ZNF232: variants seen among roughly 807,000 people sequenced by gnomAD.
The protein encoded by ZNF232 is zinc finger and SCAN domain-containing protein 11.
Under a neutral mutation model 25.2 loss-of-function variants are expected in ZNF232, and 25 were observed. The observed-to-expected ratio is 0.99, with a 90% confidence interval of 0.72 to 1.39. ZNF232 has a LOEUF of 1.39. Ranked by LOEUF, ZNF232 falls within the 40% of genes most tolerant of loss-of-function variation. The pLI is 0.00. For synonymous variants in ZNF232, 193 were observed against 182.9 expected (o/e 1.06, Z -0.45); for missense variants, 519 against 520.9 (o/e 1.00, Z 0.04).
exon 4 of ZNF232, chr17:5,105,784 C>T: frequency 1.3e-6 from 2 of 1,505,478 alleles, no homozygotes; most frequent in Non-Finnish European, 1.8e-6. Flanking sequence ...GTAGATTAGA[C>T]CGATGTAGAA....
intron 3 of ZNF232, 25 bp downstream of exon 3, chr17:5,108,901 C>T (rs917141684): frequency 6.2e-7 from 1 of 1,613,568 alleles, no homozygotes. Context: ...TCTCCTCTCC[C>T]TCCCCACAGA....
At chr17:5,106,441 C>T in exon 4 of ZNF232, 1 of 1,614,226 alleles carries the variant, frequency 6.2e-7, no homozygotes, top group Non-Finnish European at 8.5e-7. Context: ...TGTGATTCCA[C>T]TTCAGTAATG....
chr17:5,106,185 T>C (rs1439692123), exon 4 of ZNF232: 5 of 1,614,134 alleles, frequency 3.1e-6, no homozygotes, highest in East Asian at 2.2e-5. Context: ...CTCTCCAGAA[T>C]GAACTCTCTG....
At chr17:5,109,021 T>C (rs1370993340) in exon 3 of ZNF232, 18 of 1,614,014 alleles carry the variant, frequency 1.1e-5, no homozygotes, top group Non-Finnish European at 1.4e-5. Flanking sequence ...CCATGGCTCT[T>C]CCTGTGCAGG....
At chr17:5,111,626 C>T in intron 1 of ZNF232, 174 bp downstream of exon 1, 1 of 902,252 alleles carries the variant, frequency 1.1e-6, no homozygotes, top group Non-Finnish European at 1.7e-6. Context: ...CGGCACGTGA[C>T]GCGACGCAAC....
chr17:5,121,950 CA>C (rs1567767050), intron 1 of ZNF232, among the ~76,000 whole-genome samples: 1 of 152,064 alleles, frequency 6.6e-6, no homozygotes, highest in Non-Finnish European at 1.5e-5. Context: ...TGGATTAGAT[CA>C]CGTAGGCAAT....
chr17:5,115,836 A>G (rs548385612), upstream of ZNF232, among the ~76,000 whole-genome samples: 10 of 152,230 alleles, frequency 6.6e-5, no homozygotes, highest in East Asian at 1.9e-3. Context: ...CCTCCCGGGG[A>G]CACAGCCCGG....
chr17:5,114,965 C>CA (rs1213969990), upstream of ZNF232: 1 of 152,254 alleles, frequency 6.6e-6, no homozygotes, highest in Non-Finnish European at 1.5e-5. Flanking sequence ...CACAGCCTTG[C>CA]AGCCTCCAAA....
chr17:5,111,417 GAA>G (rs1395527444), intron 1 of ZNF232: 1 of 324,506 alleles, frequency 3.1e-6, no homozygotes, highest in African/African-American at 2.1e-5. Flanking sequence ...GAGGCGCGAG[GAA>G]AAACGCGGAG....
At chr17:5,116,138 G>A (rs182177610), upstream of ZNF232, among the ~76,000 whole-genome samples, 425 of 152,316 alleles carry the variant, frequency 2.8e-3, 2 homozygotes, top group Non-Finnish European at 5.0e-3. Flanking sequence ...CCCCTCACTC[G>A]ACGCTACCTT....
chr17:5,109,482 G>A, exon 2 of ZNF232: 1 of 1,614,160 alleles, frequency 6.2e-7, no homozygotes, highest in African/African-American at 1.3e-5. Context: ...CCGCACCCAG[G>A]ATTGGAGCTC....
At chr17:5,122,056 AG>A (rs759649410) in intron 1 of ZNF232, among the ~76,000 whole-genome samples, 9 of 133,294 alleles carry the variant, frequency 6.8e-5, no homozygotes, top group Non-Finnish European at 1.1e-4. Context: ...AATGGATCAG[AG>A]GGGTCAGGGT....
At chr17:5,118,024 A>C (rs1297964580) in intron 1 of ZNF232, among the ~76,000 whole-genome samples, 1 of 150,870 alleles carries the variant, frequency 6.6e-6, no homozygotes, top group Non-Finnish European at 1.5e-5. Flanking sequence ...GGCCGAGATC[A>C]TGCCACTGCA....
At chr17:5,108,419 G>T (rs2072314083) in intron 3 of ZNF232, among the ~76,000 whole-genome samples, 1 of 152,122 alleles carries the variant, frequency 6.6e-6, no homozygotes, top group Non-Finnish European at 1.5e-5. Context: ...TTCAGATAGG[G>T]CTGTTTACAT....
chr17:5,111,940 T>C, upstream of ZNF232: 8 of 1,442,446 alleles, frequency 5.5e-6, no homozygotes, highest in Non-Finnish European at 7.4e-6. Context: ...CCGGCTTCCG[T>C]TCGCGGACTT....
chr17:5,106,527 A>G lies in ZNF232; in HGVS notation c.626-21T>C, dbSNP rs770524804. ...AACAACTGACAGAAAATGTAAATAT[A>G]CCTGTTCTGGATGTATGAAGAAATG... On this transcript the variant is annotated intron_variant, in intron 3 of 3. Coordinates refer to ENST00000575898, the Ensembl canonical transcript of ZNF232. 22 of 1,606,448 alleles carry G rather than the reference A, an allele frequency of 1.4e-5. 1 individual carries two copies. The South Asian group carries it at 2.1e-4, about 15-fold the overall frequency.
chr17:5,111,627 G>T, intron 1 of ZNF232, 173 bp downstream of exon 1: 2 of 908,670 alleles, frequency 2.2e-6, no homozygotes, highest in East Asian at 2.7e-5. Flanking sequence ...GGCACGTGAC[G>T]CGACGCAACG....
At chr17:5,118,077 A>AC (rs1254788340) in intron 1 of ZNF232, 1 of 152,302 alleles carries the variant, frequency 6.6e-6, no homozygotes, top group South Asian at 2.1e-4. Flanking sequence ...TCAAAAAAAA[A>AC]AAAAAAATCA....
At chr17:5,115,187 G>T (rs1426640634), upstream of ZNF232, among the ~76,000 whole-genome samples, 1 of 151,920 alleles carries the variant, frequency 6.6e-6, no homozygotes, top group Non-Finnish European at 1.5e-5. Flanking sequence ...TCTTTTGGGG[G>T]GTGGGGCGGT....
Sources: allele counts gnomAD v4.1 joint callset (sites outside exome capture counted in the v4.1 genomes callset), GRCh38; gene constraint gnomAD v4.1.1; transcripts MANE v1.5; gene names NCBI Gene and HGNC (gene_info 2026-07-23, HGNC 2026-07-21).